Variants in STK32B observed in about 807,000 individuals in gnomAD.
The protein encoded by STK32B is serine/threonine-protein kinase 32B.
STK32B carries 43 observed loss-of-function variants against 52.6 expected under a neutral mutation model. The ratio of observed to expected loss-of-function variants is 0.82; its 90% CI spans 0.64 to 1.05. STK32B has a LOEUF of 1.05. Ranked by LOEUF, STK32B falls within the 50% of genes least tolerant of loss-of-function variation. STK32B has a pLI of 0.00. For synonymous variants in STK32B, 238 were observed against 204.3 expected (o/e 1.17, Z -1.41); for missense variants, 621 against 534.6 (o/e 1.16, Z -1.59).
At chr4:5,127,147 T>A in intron 1 of STK32B, 1 of 505,572 alleles carries the variant, frequency 2.0e-6, no homozygotes, top group East Asian at 5.5e-5. Flanking sequence ...TTGATGCCAA[T>A]GATTACATTT....
chr4:5,291,954 C>T (rs1402278242), intron 3 of STK32B, among the ~76,000 whole-genome samples: 2 of 152,004 alleles, frequency 1.3e-5, no homozygotes, highest in Non-Finnish European at 2.9e-5. Flanking sequence ...GAACCCATCG[C>T]CCAGATAGCA....
intron 3 of STK32B, among the ~76,000 whole-genome samples, chr4:5,216,105 C>T (rs1463277065): frequency 6.6e-6 from 1 of 152,176 alleles, no homozygotes; most frequent in Non-Finnish European, 1.5e-5. Flanking sequence ...TCTCAAACCT[C>T]AGTGTGCATG....
intron 1 of STK32B, among the ~76,000 whole-genome samples, chr4:5,096,712 G>C (rs1171049957): frequency 6.6e-6 from 1 of 152,212 alleles, no homozygotes; most frequent in Non-Finnish European, 1.5e-5. Flanking sequence ...ACCTGAGCTT[G>C]TAGGAAGGGG....
chr4:5,038,985 C>CTTT, the STK32B span, among the ~76,000 whole-genome samples: 25 of 122,314 alleles, frequency 2.0e-4, no homozygotes, highest in Admixed American at 3.4e-4. Context: ...AAATTTCTTT[C>CTTT]TTTTTTTTTT....
At chr4:5,169,736 T>C (rs1263478625) in intron 3 of STK32B, among the ~76,000 whole-genome samples, 3 of 152,146 alleles carry the variant, frequency 2.0e-5, no homozygotes, top group African/African-American at 7.2e-5. Context: ...TTGATTGCTA[T>C]GCAAGGGAAT....
chr4:5,290,325 AAC>A (rs1016394481), intron 3 of STK32B, among the ~76,000 whole-genome samples: 3 of 152,216 alleles, frequency 2.0e-5, no homozygotes, highest in South Asian at 2.1e-4. Flanking sequence ...CACAACGTAA[AAC>A]ACAAACATTT....
intron 11 of STK32B, among the ~76,000 whole-genome samples, chr4:5,471,186 G>A (rs1249596443): frequency 6.6e-6 from 1 of 152,216 alleles, no homozygotes; most frequent in South Asian, 2.1e-4. Context: ...ACCTGCTGCA[G>A]GTTGCATGGT....
intron 11 of STK32B, among the ~76,000 whole-genome samples, chr4:5,480,903 G>C (rs1577574136): frequency 1.3e-5 from 2 of 152,024 alleles, no homozygotes. Context: ...CCCTACAAGG[G>C]ACATGAACTC....
Position 5,460,228 on chromosome 4 carries a change from T to C in STK32B, c.909T>C (p.Asn303=). ...CACTGATGCCCGGCTTTGTGCCCAATGTGAGTGGAAGTCCCACCTGATGTC... is the reference window on the plus strand; with the variant it reads ...CACTGATGCCCGGCTTTGTGCCCAACGTGAGTGGAAGTCCCACCTGATGTC... ...KKALMPGFVP[N]KGRLNCDPTF... The change falls in exon 9 of 12, where the codon AAT becomes AAC. Residue 303 remains asparagine, a splice_region_variant and synonymous_variant. Coordinates refer to ENST00000282908, the MANE Select transcript of STK32B (RefSeq NM_018401.3). The surrounding 1 kb of genome is among the most constrained non-coding windows in gnomAD (Gnocchi z 4.8). The C allele has an allele frequency of 6.2e-7, 1 of 1,610,278 alleles. No individual in the cohort carries two copies. Among genetic ancestry groups the C allele is most frequent in the Non-Finnish European group, 8.5e-7 (1 of 1,178,122 alleles).
In STK32B at chr4:5,142,221, G is replaced by T. The variant is rs550618080; in HGVS notation, c.108+2261G>T. Among the ~76,000 whole-genome samples the T allele has an allele frequency of 5.3e-5, 8 of 152,292 alleles. No individual in the cohort carries two copies. The South Asian group carries it at 1.7e-3, about 32-fold the overall frequency. ...GACCAGAAACTCATCCTCTTATGGG[G>T]TAGATGGTTGTATGGACCAATATAT... On this transcript the variant is annotated intron_variant, in intron 2 of 11. Coordinates refer to ENST00000282908, the MANE Select transcript of STK32B (RefSeq NM_018401.3).
At chr4:5,099,511 G>C (rs1292631986) in intron 1 of STK32B, among the ~76,000 whole-genome samples, 1 of 151,762 alleles carries the variant, frequency 6.6e-6, no homozygotes, top group Non-Finnish European at 1.5e-5. Flanking sequence ...TGTGAAAAGT[G>C]GTGTGGCAGG....
chr4:5,296,013 C>T (rs1406250537), intron 3 of STK32B, among the ~76,000 whole-genome samples: 1 of 152,004 alleles, frequency 6.6e-6, no homozygotes, highest in Non-Finnish European at 1.5e-5. Flanking sequence ...GCCTTAATTT[C>T]GTTATTTACC....
At chr4:5,456,396 A>G (rs1374511167) in intron 7 of STK32B, among the ~76,000 whole-genome samples, 4 of 152,234 alleles carry the variant, frequency 2.6e-5, no homozygotes, top group African/African-American at 9.6e-5. Flanking sequence ...GGACAGGGAA[A>G]GTGGCGGCCA....
At chr4:5,279,245 A>G (rs1728036578) in intron 3 of STK32B, among the ~76,000 whole-genome samples, 1 of 152,236 alleles carries the variant, frequency 6.6e-6, no homozygotes, top group South Asian at 2.1e-4. Flanking sequence ...TCCAAGATAC[A>G]GTGGGGGTAC....
At position 5,058,076 on chromosome 4, in the gene STK32B, A is replaced by AT. The variant is rs1176816617; in HGVS notation, c.52+6166dup. Among the ~76,000 whole-genome samples the AT allele has an allele frequency of 6.6e-6, 1 of 152,144 alleles. No individual in the cohort carries two copies. The highest frequency in any genetic ancestry group is 1.5e-5 in the Non-Finnish European group (1 of 68,006). On this transcript the variant is annotated intron_variant, in intron 1 of 11. Transcript: ENST00000282908. This position sits in a 1 kb window ranked among gnomAD's most constrained non-coding sequence, Gnocchi z 4.8. ...GGAGTCTTCTTCTTCTCAGTCCTTG[A>AT]TTTTTGTGACCTCCTTGGAGTACCC...
intron 5 of STK32B, among the ~76,000 whole-genome samples, chr4:5,414,084 C>A (rs774022376): frequency 2.0e-5 from 3 of 152,064 alleles, no homozygotes; most frequent in Non-Finnish European, 4.4e-5. Context: ...AACCTGAATA[C>A]CCATAATAGG....
At chr4:5,443,366 T>C (rs1443336909) in intron 6 of STK32B, among the ~76,000 whole-genome samples, 5 of 152,038 alleles carry the variant, frequency 3.3e-5, no homozygotes, top group Admixed American at 6.6e-5. Flanking sequence ...CATCTTCCAT[T>C]GCTGATACCC....
chr4:5,051,893 C>T lies in STK32B; in HGVS notation c.30C>T (p.Pro10=). The stretch of plus-strand genomic sequence containing the variant: ...GCGGGAACCACTCCCACAAGCCCCC[C>T]GTGTTTGACGAGAATGAGGAAGGTA... MGGNHSHKP[P]VFDENEEVNF... is the part of the protein sequence containing the mutation. Residue 10 remains proline (P), a synonymous_variant, in exon 1 of 12, where the codon CCC becomes CCT. Transcript: ENST00000282908. 4 of 1,599,932 alleles carry T rather than the reference C, an allele frequency of 2.5e-6. No individual in the cohort carries two copies. Among genetic ancestry groups the T allele is most frequent in the Non-Finnish European group, 2.6e-6 (3 of 1,173,708 alleles).
At chr4:5,096,390 A>G (rs773710313) in intron 1 of STK32B, among the ~76,000 whole-genome samples, 1 of 152,182 alleles carries the variant, frequency 6.6e-6, no homozygotes, top group Non-Finnish European at 1.5e-5. Context: ...CGTGGTCAAC[A>G]TTTCTGCATC....
Sources: gnomAD v4.1 joint callset for allele counts (sites outside exome capture counted in the v4.1 genomes callset) on GRCh38, gnomAD v4.1.1 for gene constraint, Gnocchi (gnomAD v3.1) non-coding constraint, MANE v1.5 for transcripts, NCBI Gene and HGNC (gene_info 2026-07-23, HGNC 2026-07-21) for gene names.